KCNK9: variants seen among roughly 807,000 people sequenced by gnomAD.
The protein encoded by KCNK9 is potassium channel subfamily K member 9.
A neutral mutation model predicts 10.8 loss-of-function variants in KCNK9; 1 was observed. That is an observed-to-expected ratio of 0.09 (90% CI 0.03 to 0.44). The LOEUF is 0.44. Among genes scored for constraint, KCNK9 ranks in the 20% least tolerant of loss-of-function variants. The pLI is 0.97. For missense variants in KCNK9, 303 were observed against 515.0 expected, an observed-to-expected ratio of 0.59 and a Z score of 3.98; for synonymous variants, 231 against 222.7, an observed-to-expected ratio of 1.04 and a Z score of -0.33.
chr8:139,624,532 C>T (rs1472096994), intron 1 of KCNK9, among the ~76,000 whole-genome samples: 1 of 152,184 alleles, frequency 6.6e-6, no homozygotes, highest in Non-Finnish European at 1.5e-5. Flanking sequence ...CACCTGCCCT[C>T]CCCTGGCCTG....
At chr8:139,688,147 A>G (rs1297408028) in intron 1 of KCNK9, among the ~76,000 whole-genome samples, 3 of 152,164 alleles carry the variant, frequency 2.0e-5, no homozygotes, top group East Asian at 1.9e-4. Flanking sequence ...AGATAGGATC[A>G]CCCATACCCT....
intron 1 of KCNK9, among the ~76,000 whole-genome samples, chr8:139,625,027 C>T (rs1814923180): frequency 1.3e-5 from 2 of 152,184 alleles, no homozygotes; most frequent in African/African-American, 4.8e-5. Flanking sequence ...TGCATCAGAG[C>T]ACAATGAGAA....
intron 1 of KCNK9, among the ~76,000 whole-genome samples, chr8:139,667,463 C>G (rs184485980): frequency 1.3e-5 from 2 of 150,684 alleles, no homozygotes; most frequent in African/African-American, 4.9e-5. Context: ...TTTGGGAGGC[C>G]GAGGTGGGCA....
chr8:139,668,138 T>C (rs1816343723), intron 1 of KCNK9, among the ~76,000 whole-genome samples: 1 of 152,180 alleles, frequency 6.6e-6, no homozygotes, highest in Non-Finnish European at 1.5e-5. Context: ...AATTAAGGTA[T>C]GTGGTTATGA....
chr8:139,683,247 A>G (rs1195549376), intron 1 of KCNK9, among the ~76,000 whole-genome samples: 1 of 152,182 alleles, frequency 6.6e-6, no homozygotes, highest in Non-Finnish European at 1.5e-5. Context: ...GGTGAAGAGC[A>G]GGTGCCCTGG....
chr8:139,647,195 T>TGGGAAGAAGGCATGGAGGAGCCAGGGTA (rs1815715205), intron 1 of KCNK9, among the ~76,000 whole-genome samples: 1 of 152,140 alleles, frequency 6.6e-6, no homozygotes, highest in Non-Finnish European at 1.5e-5. Flanking sequence ...GGATGGCAAC[T>TGGGAAGAAGGCATGGAGGAGCCAGGGTA]GGGAAGAAGG....
rs1200054610 is a variant in KCNK9 at position 139,618,495 on chromosome 8, C to G, written c.888G>C (p.Val296=). ...GCGAGCGGTAGCAGGTGCAGGAGCA[C>G]ACAGACTGCAGGTCCGGGACGTCCG... ...YKADVPDLQS[V]CSCTCYRSQD... The change falls in exon 2 of 2, where the codon GTG becomes GTC. Residue 296 remains valine (V), a synonymous_variant. Coordinates refer to ENST00000520439, the MANE Select transcript of KCNK9 (RefSeq NM_001282534.2). This position sits in a 1 kb window ranked among gnomAD's most constrained non-coding sequence, Gnocchi z 7.9. 1 of 1,613,860 alleles carries G rather than the reference C, an allele frequency of 6.2e-7. No homozygotes were observed. The highest frequency in any genetic ancestry group is 1.3e-5 in the African/African-American group (1 of 75,066).
At chr8:139,651,267 T>G (rs1345041976) in intron 1 of KCNK9, among the ~76,000 whole-genome samples, 3 of 152,202 alleles carry the variant, frequency 2.0e-5, no homozygotes, top group Non-Finnish European at 4.4e-5. Context: ...ATGTGTCCCA[T>G]GCAGCACTGC....
At chr8:139,659,889 GAGATA>G (rs965508469) in intron 1 of KCNK9, among the ~76,000 whole-genome samples, 5 of 151,918 alleles carry the variant, frequency 3.3e-5, no homozygotes, top group African/African-American at 1.2e-4. Flanking sequence ...CAAGAAAGGG[GAGATA>G]AGATAATATA....
chr8:139,697,818 G>A (rs932887483), intron 1 of KCNK9, among the ~76,000 whole-genome samples: 1 of 152,160 alleles, frequency 6.6e-6, no homozygotes, highest in Non-Finnish European at 1.5e-5. Context: ...TCTTGGCTGT[G>A]TCCATGACAT....
intron 1 of KCNK9, among the ~76,000 whole-genome samples, chr8:139,642,881 A>T (rs1057035718): frequency 1.3e-5 from 2 of 152,182 alleles, no homozygotes; most frequent in Non-Finnish European, 2.9e-5. Context: ...TCTGCTCAGG[A>T]AACCCCAGGA....
intron 1 of KCNK9, among the ~76,000 whole-genome samples, chr8:139,698,304 G>A (rs1021742198): frequency 2.6e-5 from 4 of 152,162 alleles, no homozygotes; most frequent in African/African-American, 9.7e-5. Context: ...GCTGTATTCT[G>A]CAGCCCTTCC....
chr8:139,696,239 T>C (rs1267705288), intron 1 of KCNK9, among the ~76,000 whole-genome samples: 3 of 152,298 alleles, frequency 2.0e-5, no homozygotes, highest in Non-Finnish European at 2.9e-5. Context: ...AAGAGATGAC[T>C]AGCTTCGGGG....
intron 1 of KCNK9, among the ~76,000 whole-genome samples, chr8:139,641,476 A>G (rs1485902041): frequency 2.0e-5 from 3 of 152,186 alleles, no homozygotes; most frequent in Non-Finnish European, 2.9e-5. Context: ...GAGCCCCCTG[A>G]AATGGGCATC....
chr8:139,646,511 CA>C (rs1190105855), intron 1 of KCNK9, among the ~76,000 whole-genome samples: 1 of 152,182 alleles, frequency 6.6e-6, no homozygotes. Context: ...TTGACCCGAG[CA>C]ATACTTTTCA....
At position 139,631,203 on chromosome 8, in the gene KCNK9, T is replaced by C. The variant is rs73724467; in HGVS notation, c.284-12104A>G. 8.3e-3 allele frequency among the ~76,000 whole-genome samples: 1,264 copies of C among 152,366 alleles called. 15 individuals are homozygous for C. The highest frequency in any genetic ancestry group is 0.029 in the African/African-American group (1,223 of 41,594). ...ATGAGATGTCATGCGATGAATGTTT[T>C]CTCAGAAGCTGCCATCCATCAGTGG... is the stretch of plus-strand genomic sequence containing the variant. On this transcript the variant is annotated intron_variant, in intron 1 of 1. Transcript: ENST00000520439.
At chr8:139,700,409 T>TG (rs943483381) in intron 1 of KCNK9, among the ~76,000 whole-genome samples, 1 of 152,162 alleles carries the variant, frequency 6.6e-6, no homozygotes, top group Admixed American at 6.5e-5. Context: ...GCCAGGTCTG[T>TG]GGGTTCCAAG....
rs758819079 is a variant in KCNK9 at position 139,702,979 on chromosome 8, T to C, written c.14A>G (p.Asn5Ser). 2 of 1,584,060 alleles carry C rather than the reference T, an allele frequency of 1.3e-6. No individual in the cohort carries two copies. Among genetic ancestry groups the C allele is most frequent in the Non-Finnish European group, 1.7e-6 (2 of 1,166,582 alleles). Residue 5 changes from asparagine to serine, a missense_variant, in exon 1 of 2, where the codon AAC (asparagine) becomes AGC (serine). Asn to Ser is a conservative substitution (Grantham distance 46). This residue lies in a region of KCNK9 where 58 missense variants were observed against 102.4 expected (regional missense o/e 0.57). Coordinates refer to ENST00000520439, the MANE Select transcript of KCNK9 (RefSeq NM_001282534.2). The surrounding 1 kb of genome is among the most constrained non-coding windows in gnomAD (Gnocchi z 7.5). Reference protein sequence around the residue: MKRQNVRTLSLIVCT... With the variant: MKRQSVRTLSLIVCT... ...GACGATGAGGGACAGAGTCCGCACG[T>C]TCTGCCTCTTCATGGCCGCCAGCAA...
intron 1 of KCNK9, among the ~76,000 whole-genome samples, chr8:139,654,912 G>A (rs562748567): frequency 8.3e-4 from 127 of 152,264 alleles, no homozygotes; most frequent in South Asian, 1.7e-3. Context: ...ATAAATGGGC[G>A]AGAGGATGGC....
Sources: gnomAD v4.1 joint callset for allele counts (sites outside exome capture counted in the v4.1 genomes callset) on GRCh38, gnomAD v4.1.1 for gene constraint, gnomAD v4.1.1 regional missense constraint, Gnocchi (gnomAD v3.1) non-coding constraint, MANE v1.5 for transcripts, NCBI Gene and HGNC (gene_info 2026-07-23, HGNC 2026-07-21) for gene names.